SMYD3: variants seen among roughly 807,000 people sequenced by gnomAD.
The protein encoded by SMYD3 is SET and MYND domain containing 3, also known as histone-lysine N-methyltransferase SMYD3.
In SMYD3, 36 loss-of-function variants were observed where a neutral mutation model predicts 57.7. That is an observed-to-expected ratio of 0.62 (90% CI 0.48 to 0.82). The LOEUF (loss-of-function observed/expected upper bound fraction) is 0.82. Among genes scored for constraint, SMYD3 ranks in the 40% least tolerant of loss-of-function variants. The pLI is 0.00. For synonymous variants in SMYD3, 211 were observed against 195.0 expected (o/e 1.08, Z -0.68); for missense variants, 515 against 538.8 (o/e 0.96, Z 0.44).
intron 5 of SMYD3, among the ~76,000 whole-genome samples, chr1:246,138,099 T>C (rs915690120): frequency 6.6e-6 from 1 of 152,112 alleles, no homozygotes; most frequent in African/African-American, 2.4e-5. Context: ...TGAATAAAAA[T>C]ATAGTATGTA....
chr1:246,200,382 A>G (rs181178655), intron 5 of SMYD3, among the ~76,000 whole-genome samples: 63 of 152,218 alleles, frequency 4.1e-4, no homozygotes, highest in African/African-American at 1.5e-3. Flanking sequence ...CAGAGGATGG[A>G]GAACAGCGCA....
At chr1:246,012,547 C>T (rs1393997642) in intron 5 of SMYD3, among the ~76,000 whole-genome samples, 5 of 152,178 alleles carry the variant, frequency 3.3e-5, no homozygotes, top group African/African-American at 4.8e-5. Flanking sequence ...TTGTAACCGC[C>T]TCTATCGACA....
At chr1:245,800,650 T>A (rs955722945) in intron 10 of SMYD3, among the ~76,000 whole-genome samples, 3 of 152,186 alleles carry the variant, frequency 2.0e-5, no homozygotes, top group Admixed American at 2.0e-4. Flanking sequence ...CATCTGTGGA[T>A]AACAAATGAT....
chr1:246,138,672 GC>G, intron 5 of SMYD3, among the ~76,000 whole-genome samples: 1 of 106,386 alleles, frequency 9.4e-6, no homozygotes, highest in Non-Finnish European at 2.7e-5. Context: ...TGATCCGCCC[GC>G]CTCGGCCTCC....
At chr1:245,969,166 C>T (rs895296032) in intron 5 of SMYD3, among the ~76,000 whole-genome samples, 1 of 152,208 alleles carries the variant, frequency 6.6e-6, no homozygotes, top group African/African-American at 2.4e-5. Flanking sequence ...ACTTTGCTAG[C>T]TTTCTTATTT....
At chr1:246,436,381 G>T (rs941839439) in intron 1 of SMYD3, among the ~76,000 whole-genome samples, 26 of 152,062 alleles carry the variant, frequency 1.7e-4, no homozygotes, top group African/African-American at 6.3e-4. Flanking sequence ...CAGTTTAAAA[G>T]GGGGGCCTAC....
At chr1:246,074,176 C>T (rs1037441787) in intron 5 of SMYD3, among the ~76,000 whole-genome samples, 5 of 151,912 alleles carry the variant, frequency 3.3e-5, no homozygotes, top group Non-Finnish European at 7.4e-5. Flanking sequence ...GATTAGACAC[C>T]CCTGGCCCAG....
intron 8 of SMYD3, among the ~76,000 whole-genome samples, chr1:245,877,783 T>G (rs1023392756): frequency 6.6e-6 from 1 of 152,164 alleles, no homozygotes; most frequent in African/African-American, 2.4e-5. Flanking sequence ...GACATGCTAA[T>G]ATAAGATGTC....
At position 246,156,456 on chromosome 1, in the gene SMYD3, G is replaced by A. The variant is rs574644533; in HGVS notation, c.531+170745C>T. Reference sequence around the variant, plus strand: ...GCTTATAACTCTGAGTTATTGGGAAGGTAAGAACATATTTTCCCCATAAAA... The same window carrying A: ...GCTTATAACTCTGAGTTATTGGGAAAGTAAGAACATATTTTCCCCATAAAA... On this transcript the variant is annotated intron_variant, in intron 5 of 11. Coordinates refer to ENST00000490107, the MANE Select transcript of SMYD3 (RefSeq NM_001167740.2). Among the ~76,000 whole-genome samples, 3 of 152,230 alleles carry A rather than the reference G, an allele frequency of 2.0e-5. No individual in the cohort carries two copies. In the East Asian group the frequency reaches 5.8e-4, roughly 29 times the overall value.
chr1:246,337,260 T>C (rs1279257778), intron 2 of SMYD3, among the ~76,000 whole-genome samples: 1 of 152,192 alleles, frequency 6.6e-6, no homozygotes, highest in African/African-American at 2.4e-5. Context: ...ATTCAAAATA[T>C]ACTTAGCATC....
intron 1 of SMYD3, 64 bp downstream of exon 1, chr1:246,506,990 C>CCCCCCCCCCCCCCCCCCCCCCCCCA: frequency 1.6e-6 from 1 of 609,990 alleles, no homozygotes; most frequent in African/African-American, 3.9e-5. Context: ...CCGCCCGACG[C>CCCCCCCCCCCCCCCCCCCCCCCCCA]CCCCCCCTCC....
intron 5 of SMYD3, among the ~76,000 whole-genome samples, chr1:245,986,680 C>T (rs778187382): frequency 3.2e-4 from 49 of 152,286 alleles, no homozygotes; most frequent in Middle Eastern, 6.8e-3. Flanking sequence ...CAGGAAGTCT[C>T]CATGTCTCCA....
At chr1:245,814,859 C>T (rs2048706239) in intron 10 of SMYD3, among the ~76,000 whole-genome samples, 1 of 145,754 alleles carries the variant, frequency 6.9e-6, no homozygotes, top group Non-Finnish European at 1.5e-5. Flanking sequence ...CACACACACG[C>T]AAGCACACAC....
intron 5 of SMYD3, among the ~76,000 whole-genome samples, chr1:246,002,307 C>G (rs1445191956): frequency 2.1e-5 from 2 of 95,876 alleles, no homozygotes; most frequent in African/African-American, 3.1e-5. Context: ...GCCTCAGCCT[C>G]CCGAGTAGCT....
chr1:246,266,913 C>G (rs879735005), intron 5 of SMYD3, among the ~76,000 whole-genome samples: 3 of 151,938 alleles, frequency 2.0e-5, no homozygotes, highest in Non-Finnish European at 4.4e-5. Flanking sequence ...AAGTAAACTG[C>G]GAAAATAATA....
chr1:246,012,939 G>A (rs2148198756), intron 5 of SMYD3, among the ~76,000 whole-genome samples: 1 of 152,286 alleles, frequency 6.6e-6, no homozygotes, highest in South Asian at 2.1e-4. Flanking sequence ...ATTTCTGGTA[G>A]GCGCTGTTTT....
chr1:246,346,297 A>C (rs1229311807), intron 2 of SMYD3, among the ~76,000 whole-genome samples: 16 of 151,854 alleles, frequency 1.1e-4, no homozygotes, highest in Admixed American at 5.9e-4. Flanking sequence ...AAAACAAACA[A>C]ACTAAAAAAG....
At chr1:245,940,153 G>A (rs144980558) in intron 5 of SMYD3, among the ~76,000 whole-genome samples, 34 of 152,284 alleles carry the variant, frequency 2.2e-4, no homozygotes, top group African/African-American at 6.3e-4. Flanking sequence ...CACAGCACTG[G>A]GGGGAGGGGC....
intron 5 of SMYD3, among the ~76,000 whole-genome samples, chr1:246,027,493 C>T (rs2059596374): frequency 6.6e-6 from 1 of 152,170 alleles, no homozygotes; most frequent in South Asian, 2.1e-4. Flanking sequence ...TTTAAAAAAT[C>T]CTACAGCCCT....
Sources: allele counts gnomAD v4.1 joint callset (sites outside exome capture counted in the v4.1 genomes callset), GRCh38; gene constraint gnomAD v4.1.1; transcripts MANE v1.5; gene names NCBI Gene and HGNC (gene_info 2026-07-23, HGNC 2026-07-21).